Variants in DPF2 observed in about 807,000 individuals in gnomAD.
DPF2 encodes the protein double PHD fingers 2, also known as zinc finger protein ubi-d4.
In DPF2, 10 loss-of-function variants were observed where a neutral mutation model predicts 59.6. The ratio of observed to expected loss-of-function variants is 0.17; its 90% CI spans 0.10 to 0.28. The LOEUF (loss-of-function observed/expected upper bound fraction) is 0.28. DPF2 is among the 10% of genes least tolerant of loss of function. DPF2 has a pLI of 1.00. For synonymous variants in DPF2, 189 were observed against 190.6 expected (o/e 0.99, Z 0.07); for missense variants, 315 against 509.4 (o/e 0.62, Z 3.67).
intron 4 of DPF2, among the ~76,000 whole-genome samples, chr11:65,342,647 T>C (rs1854405957): frequency 6.6e-6 from 1 of 152,200 alleles, no homozygotes; most frequent in South Asian, 2.1e-4. Context: ...CTTTCTCCTT[T>C]AGTCTGTACA....
At chr11:65,349,772 G>T (rs1427713594) in intron 10 of DPF2, among the ~76,000 whole-genome samples, 9 of 151,832 alleles carry the variant, frequency 5.9e-5, no homozygotes, top group Non-Finnish European at 1.3e-4. Context: ...CTCCAGCCTG[G>T]GCGACAGAGC....
At chr11:65,349,702 AGGAGAATGGCGTGAACCC>A (rs1276115362) in intron 10 of DPF2, among the ~76,000 whole-genome samples, 1 of 152,114 alleles carries the variant, frequency 6.6e-6, no homozygotes, top group African/African-American at 2.4e-5. Context: ...AGGCTGAGGC[AGGAGAATGGCGTGAACCC>A]GGGAAGCGGA....
chr11:65,342,686 A>G (rs1854407592), intron 4 of DPF2, among the ~76,000 whole-genome samples: 1 of 152,090 alleles, frequency 6.6e-6, no homozygotes, highest in Non-Finnish European at 1.5e-5. Context: ...TGTGTTCCCC[A>G]TTTCACACAG....
chr11:65,341,552 G>A lies in DPF2; in HGVS notation c.455G>A (p.Arg152Gln), dbSNP rs779290988. The part of the protein sequence containing the change: ...SLGEFPVTNS[R>Q]ARKRILEPDD... ...GGCGAGTTTCCTGTGACCAACAGTCGAGCGCGAAAGGTACAGGATTATCCC... is the reference window on the plus strand; with the variant it reads ...GGCGAGTTTCCTGTGACCAACAGTCAAGCGCGAAAGGTACAGGATTATCCC... The change falls in exon 4 of 11, where the codon CGA becomes CAA. Residue 152 changes from arginine (R) to glutamine (Q), a missense_variant. Around this residue, in one of 4 missense-constraint regions of DPF2, gnomAD observed 228 missense variants for 275.3 expected, o/e 0.83. Transcript: ENST00000528416. 4 of 1,614,128 alleles carry A rather than the reference G, an allele frequency of 2.5e-6. No homozygotes were observed. The highest frequency in any genetic ancestry group is 1.1e-5 in the South Asian group (1 of 91,078).
At chr11:65,341,697 C>T (rs1854379539) in intron 4 of DPF2, 135 bp downstream of exon 4, 1 of 1,226,410 alleles carries the variant, frequency 8.2e-7, no homozygotes, top group South Asian at 1.6e-5. Flanking sequence ...GTTCTTACTT[C>T]AGTCCCTGAT....
Position 65,353,980 on chromosome 11 carries a change from A to C in DPF2, c.*2221A>C, listed in dbSNP as rs540518055. Among the ~76,000 whole-genome samples the C allele has an allele frequency of 1.3e-5, 2 of 152,326 alleles. No individual in the cohort carries two copies. The highest frequency in any genetic ancestry group is 4.8e-5 in the African/African-American group (2 of 41,584). On this transcript the variant is annotated 3_prime_UTR_variant, in exon 11 of 11. Transcript: ENST00000528416. Reference sequence around the variant, plus strand: ...GTAGCAGGCCTAGGTGAGGAAATTTAGGAAGGGTTTGCGGGAGGTAGGATT... The same window carrying C: ...GTAGCAGGCCTAGGTGAGGAAATTTCGGAAGGGTTTGCGGGAGGTAGGATT...
At chr11:65,340,859 C>A in intron 2 of DPF2, 107 bp from the exon 3 acceptor site, 1 of 1,165,608 alleles carries the variant, frequency 8.6e-7, no homozygotes, top group Non-Finnish European at 1.2e-6. Flanking sequence ...GTCAGAATTT[C>A]TCCCTTGCTC....
intron 2 of DPF2, 78 bp from the exon 3 acceptor site, chr11:65,340,888 C>T (rs1377685446): frequency 1.4e-6 from 2 of 1,396,606 alleles, no homozygotes; most frequent in East Asian, 2.4e-5. Context: ...AAAGGGGGGC[C>T]TACTTAATTA....
In DPF2 at chr11:65,340,943, TTCTA is replaced by T; in HGVS notation, c.194-19_194-16del. On this transcript the variant is annotated intron_variant, in intron 2 of 10. Coordinates refer to ENST00000528416, the MANE Select transcript of DPF2 (RefSeq NM_006268.5). ...TTCTAATACTGGGTTAGGGCCTGAC[TTCTA>T]TCTTTCTTCCTGCCACAGGATTGGC... 1.9e-6 allele frequency: 3 copies of T among 1,612,028 alleles called. No individual in the cohort carries two copies. The highest frequency in any genetic ancestry group is 2.5e-6 in the Non-Finnish European group (3 of 1,178,694).
chr11:65,339,938 T>G (rs1854313020), intron 1 of DPF2, among the ~76,000 whole-genome samples: 1 of 152,200 alleles, frequency 6.6e-6, no homozygotes, highest in African/African-American at 2.4e-5. Flanking sequence ...GGAGCAGACC[T>G]TGGGGCAAGG....
At chr11:65,346,945 A>G (rs1854549684) in intron 9 of DPF2, 1 of 152,408 alleles carries the variant, frequency 6.6e-6, no homozygotes, top group Non-Finnish European at 1.5e-5. Flanking sequence ...CTCGGGTTTT[A>G]TTCTAGGTAC....
At position 65,345,652 on chromosome 11, in the gene DPF2, T is replaced by A; in HGVS notation, c.638-14T>A. On this transcript the variant is annotated splice_polypyrimidine_tract_variant and intron_variant, in intron 6 of 10. Coordinates refer to ENST00000528416, the MANE Select transcript of DPF2 (RefSeq NM_006268.5). ...TATCCTAACACCTTTCTCTGCAATC[T>A]TCTTCCCACTCAGTTTGTGGAAAAC... 2 of 1,614,004 alleles carry A rather than the reference T, an allele frequency of 1.2e-6. No homozygotes were observed. Among genetic ancestry groups the A allele is most frequent in the South Asian group, 2.2e-5 (2 of 91,066 alleles).
rs1255059343 is a variant in DPF2 at position 65,341,051 on chromosome 11, T to G, written c.279T>G (p.Leu93=). The G allele has an allele frequency of 1.2e-6, 2 of 1,613,996 alleles. No homozygotes were observed. The highest frequency in any genetic ancestry group is 1.7e-6 in the Non-Finnish European group (2 of 1,180,052). Residue 93 remains leucine (L), a synonymous_variant, in exon 3 of 11, where the codon CTT becomes CTG. Transcript: ENST00000528416. Reference sequence around the variant, plus strand: ...CCCATCCCCCTGAGGATCCACGACTTTCCTTCCCATCTATTAAGCCAGGTA... The same window carrying G: ...CCCATCCCCCTGAGGATCCACGACTGTCCTTCCCATCTATTAAGCCAGGTA... ...RRAHPPEDPR[L]SFPSIKPDTD...
At chr11:65,336,997 A>G (rs1271118799) in intron 1 of DPF2, among the ~76,000 whole-genome samples, 1 of 151,814 alleles carries the variant, frequency 6.6e-6, no homozygotes, top group Non-Finnish European at 1.5e-5. Context: ...CTGAGGCAGA[A>G]GAATCGCTTG....
chr11:65,342,308 G>A (rs1311220753), intron 4 of DPF2, among the ~76,000 whole-genome samples: 1 of 152,012 alleles, frequency 6.6e-6, no homozygotes, highest in African/African-American at 2.4e-5. Context: ...AAATTAGCTG[G>A]GCATGGTGGC....
At chr11:65,337,512 G>GAGAGAGAGAGAA (rs1854225547) in intron 1 of DPF2, among the ~76,000 whole-genome samples, 1 of 109,122 alleles carries the variant, frequency 9.2e-6, no homozygotes, top group Non-Finnish European at 1.8e-5. Flanking sequence ...TATAGAGAGA[G>GAGAGAGAGAGAA]AGAGAGAGAG....
At position 65,352,920 on chromosome 11, in the gene DPF2, T is replaced by C. The variant is rs5858; in HGVS notation, c.*1161T>C. 87,942 of 152,126 alleles carry C rather than the reference T, an allele frequency of 0.58. 28,779 individuals are homozygous for C. Among genetic ancestry groups the C allele is most frequent in the Non-Finnish European group, 0.73 (49,806 of 67,994 alleles). 9.4% of individuals were successfully genotyped at this position (152,126 alleles called of 1,614,324 possible). ...TCGCTTTGGAGTTGAGGTGTCTTTTTTTTTTCTTTCTTTAGTTCCTGTATT... is the reference window on the plus strand; with the variant it reads ...TCGCTTTGGAGTTGAGGTGTCTTTTCTTTTTCTTTCTTTAGTTCCTGTATT... On this transcript the variant is annotated 3_prime_UTR_variant, in exon 11 of 11. Coordinates refer to ENST00000528416, the MANE Select transcript of DPF2 (RefSeq NM_006268.5).
chr11:65,342,940 G>A (rs1346371258), intron 4 of DPF2, among the ~76,000 whole-genome samples: 2 of 149,972 alleles, frequency 1.3e-5, no homozygotes, highest in Non-Finnish European at 3.0e-5. Context: ...CTTGCAGTGA[G>A]CCGAGATTGC....
At chr11:65,334,537 C>A (rs1333229620) in intron 1 of DPF2, among the ~76,000 whole-genome samples, 1 of 152,202 alleles carries the variant, frequency 6.6e-6, no homozygotes, top group Non-Finnish European at 1.5e-5. Flanking sequence ...TAGCAGCCAT[C>A]AAAAACCTGC....
Sources: gnomAD v4.1 joint callset for allele counts (sites outside exome capture counted in the v4.1 genomes callset) on GRCh38, gnomAD v4.1.1 for gene constraint, gnomAD v4.1.1 regional missense constraint, MANE v1.5 for transcripts, NCBI Gene and HGNC (gene_info 2026-07-23, HGNC 2026-07-21) for gene names.